Variants in ADPRHL1 observed in about 807,000 individuals in gnomAD.
ADPRHL1 encodes ADP-ribosylhydrolase like 1, also known as inactive ADP-ribosyltransferase ARH2.
ADPRHL1 carries 43 observed loss-of-function variants against 44.1 expected under a neutral mutation model. The observed-to-expected ratio is 0.98, with a 90% CI of 0.76 to 1.26. The LOEUF (loss-of-function observed/expected upper bound fraction) is 1.26, where lower values mean the gene tolerates loss of function less well. Among genes scored for constraint, ADPRHL1 ranks in the 50% most tolerant of loss-of-function variants. The probability of loss-of-function intolerance (pLI) is 0.00; values close to 1 mark genes in which losing one functional copy is unlikely to be tolerated. For synonymous variants in ADPRHL1, 878 were observed against 1,017.4 expected, an observed-to-expected ratio of 0.86 and a Z score of 2.61; for missense variants, 2,022 against 2,496.9, an observed-to-expected ratio of 0.81 and a Z score of 4.05.
intron 7 of ADPRHL1, among the ~76,000 whole-genome samples, chr13:113,412,335 G>A (rs535399639): frequency 2.0e-5 from 3 of 152,220 alleles, no homozygotes; most frequent in African/African-American, 7.2e-5. Flanking sequence ...CCGCCACCAC[G>A]CCCGGCTAAT....
At chr13:113,451,990 A>G (rs1369256272) in intron 1 of ADPRHL1, among the ~76,000 whole-genome samples, 3 of 152,152 alleles carry the variant, frequency 2.0e-5, no homozygotes, top group East Asian at 1.9e-4. Context: ...AACGCCCACC[A>G]AGTGCTACCA....
chr13:113,432,659 T>C (rs1045222025), intron 3 of ADPRHL1, among the ~76,000 whole-genome samples: 2 of 152,046 alleles, frequency 1.3e-5, no homozygotes, highest in African/African-American at 4.8e-5. Flanking sequence ...GCAGACTCAG[T>C]GGGGGTGGGA....
intron 3 of ADPRHL1, among the ~76,000 whole-genome samples, chr13:113,430,595 G>T (rs1434615481): frequency 6.6e-6 from 1 of 152,182 alleles, no homozygotes; most frequent in Non-Finnish European, 1.5e-5. Context: ...TCGTACTAGT[G>T]ACGGTATCAT....
At chr13:113,432,126 C>CTTTTTTTTT (rs77919097) in intron 3 of ADPRHL1, among the ~76,000 whole-genome samples, 1 of 150,972 alleles carries the variant, frequency 6.6e-6, no homozygotes, top group Non-Finnish European at 1.5e-5. Context: ...AAATGTCCAG[C>CTTTTTTTTT]TTTTTTTTTG....
chr13:113,424,880 TTACC>T (rs2043956588), intron 5 of ADPRHL1, among the ~76,000 whole-genome samples, 168 bp downstream of exon 5: 1 of 18,326 alleles, frequency 5.5e-5, no homozygotes, highest in African/African-American at 2.0e-4. Context: ...ACCCATTTAC[TTACC>T]CATCCATTCA....
Position 113,404,435 on chromosome 13 carries a change from G to A in ADPRHL1, c.4847C>T (p.Ala1616Val). Residue 1616 changes from alanine (A) to valine (V), a missense_variant, in exon 8 of 8, where the codon GCC becomes GTC. This residue lies in a region of ADPRHL1 where 78 missense variants were observed against 76.5 expected (regional missense o/e 1.02). Transcript: ENST00000612156. ...GGCCTTTATCTGGGTCTGCCACTGG[G>A]CCTGTCCCTGAGCCTCTTCCTGGGC... Reference protein sequence around the residue: ...KWAQEEAQGQAQWQTQIKAQK... With the variant: ...KWAQEEAQGQVQWQTQIKAQK... 7.6e-7 allele frequency: 1 copy of A among 1,322,478 alleles called. No homozygotes were observed. The highest frequency in any genetic ancestry group is 9.6e-7 in the Non-Finnish European group (1 of 1,043,834). 81.9% of individuals were successfully genotyped at this position (1,322,478 alleles called of 1,614,324 possible).
At chr13:113,451,295 C>G (rs2044177990) in intron 1 of ADPRHL1, among the ~76,000 whole-genome samples, 1 of 152,184 alleles carries the variant, frequency 6.6e-6, no homozygotes, top group South Asian at 2.1e-4. Flanking sequence ...AGATCTATAT[C>G]TGGTATAACT....
chr13:113,433,917 C>A (rs1452955576), intron 2 of ADPRHL1, 50 bp from the exon 3 acceptor site: 2 of 1,484,630 alleles, frequency 1.3e-6, no homozygotes, highest in Non-Finnish European at 1.8e-6. Context: ...AATAATTCCA[C>A]CCCTGACAAT....
chr13:113,428,112 C>T (rs1033622235), intron 4 of ADPRHL1, among the ~76,000 whole-genome samples: 7 of 152,112 alleles, frequency 4.6e-5, no homozygotes, highest in Non-Finnish European at 8.8e-5. Flanking sequence ...GGCGTGGTGA[C>T]GGACGCCTGT....
chr13:113,405,805 G>T lies in ADPRHL1; in HGVS notation c.3477C>A (p.His1159Gln), dbSNP rs1352836810. Reference protein sequence around the residue: ...QWGSRALSESHPRGEALPRDP... With the variant: ...QWGSRALSESQPRGEALPRDP... Reference sequence around the variant, plus strand: ...CTCGAGGGAGAGCCTCTCCTCTGGGGTGGCTTTCGGACAAGGCTCTGCTTC... The same window carrying T: ...CTCGAGGGAGAGCCTCTCCTCTGGGTTGGCTTTCGGACAAGGCTCTGCTTC... The change falls in exon 8 of 8, where the codon CAC (histidine) becomes CAA (glutamine). Residue 1159 changes from histidine (H) to glutamine (Q), a missense_variant. Around this residue, in one of 8 missense-constraint regions of ADPRHL1, gnomAD observed 1,221 missense variants for 1,517.8 expected, o/e 0.80. Coordinates refer to ENST00000612156, the MANE Select transcript of ADPRHL1 (RefSeq NM_001394807.1). 8.1e-7 allele frequency: 1 copy of T among 1,231,706 alleles called. No individual in the cohort carries two copies. The highest frequency in any genetic ancestry group is 1.6e-5 in the African/African-American group (1 of 64,416). The allele number at this position is 1,231,706 out of a possible 1,614,324, so 76.3% of individuals were successfully genotyped here.
intron 7 of ADPRHL1, among the ~76,000 whole-genome samples, chr13:113,419,944 G>C (rs924097068): frequency 2.6e-5 from 4 of 152,098 alleles, no homozygotes; most frequent in African/African-American, 9.7e-5. Context: ...AGGAGAGCAT[G>C]GCCTTGTTAT....
chr13:113,419,066 CACTCCCTCCTTCCTTCCTTCT>C, intron 7 of ADPRHL1, among the ~76,000 whole-genome samples: 1 of 106,390 alleles, frequency 9.4e-6, no homozygotes, highest in Admixed American at 1.1e-4. Flanking sequence ...CTCCTTCCTT[CACTCCCTCCTTCCTTCCTTCT>C]TCCCTCCCTC....
intron 5 of ADPRHL1, 150 bp from the exon 6 acceptor site, chr13:113,424,499 G>C: frequency 9.1e-7 from 1 of 1,101,708 alleles, no homozygotes; most frequent in Admixed American, 2.6e-5. Flanking sequence ...CTGTCCCCCA[G>C]GTTGGAGTGC....
chr13:113,418,703 T>C (rs1348161140), intron 7 of ADPRHL1, among the ~76,000 whole-genome samples: 4 of 152,124 alleles, frequency 2.6e-5, no homozygotes, highest in Admixed American at 2.6e-4. Flanking sequence ...AAGTCCTGGC[T>C]TCAGAGCTCA....
rs529918710 is a variant in ADPRHL1 at position 113,441,462 on chromosome 13, C to T, written c.379+2963G>A. Among the ~76,000 whole-genome samples, 2 of 152,262 alleles carry T rather than the reference C, an allele frequency of 1.3e-5. No homozygotes were observed. The highest frequency in any genetic ancestry group is 1.3e-4 in the Admixed American group (2 of 15,280). On this transcript the variant is annotated intron_variant, in intron 2 of 7. Transcript: ENST00000612156. The surrounding 1 kb of genome is among the most constrained non-coding windows in gnomAD (Gnocchi z 6.0). The stretch of plus-strand genomic sequence containing the variant: ...GGGTTCATGGTGTCCGTCTGCAGCT[C>T]GTTACAGCTGTGGGATGACACTGTG...
chr13:113,429,727 G>T (rs1044007673), intron 3 of ADPRHL1, among the ~76,000 whole-genome samples: 1 of 152,218 alleles, frequency 6.6e-6, no homozygotes, highest in African/African-American at 2.4e-5. Flanking sequence ...CTCTGGGTCC[G>T]TTGTGCACAC....
At chr13:113,425,242 G>C (rs902440476) in intron 4 of ADPRHL1, 63 bp from the exon 5 acceptor site, 7 of 532,004 alleles carry the variant, frequency 1.3e-5, no homozygotes, top group Non-Finnish European at 2.1e-5. Context: ...CGGGTGCAGG[G>C]AGTTGGGGGT....
At chr13:113,439,579 C>T (rs2044083982) in intron 2 of ADPRHL1, among the ~76,000 whole-genome samples, 1 of 151,812 alleles carries the variant, frequency 6.6e-6, no homozygotes, top group African/African-American at 2.4e-5. Flanking sequence ...TCCTGAGTAG[C>T]TTGGATTATA....
chr13:113,421,318 C>T (rs1454015359), intron 7 of ADPRHL1, among the ~76,000 whole-genome samples: 1 of 111,836 alleles, frequency 8.9e-6, no homozygotes, highest in Non-Finnish European at 1.9e-5. Context: ...GACACGCCCA[C>T]CCCGGGACAC....
Sources: gnomAD v4.1 joint callset for allele counts (sites outside exome capture counted in the v4.1 genomes callset) on GRCh38, gnomAD v4.1.1 for gene constraint, gnomAD v4.1.1 regional missense constraint, Gnocchi (gnomAD v3.1) non-coding constraint, MANE v1.5 for transcripts, NCBI Gene and HGNC (gene_info 2026-07-23, HGNC 2026-07-21) for gene names.